PCDHA2: variants seen among roughly 807,000 people sequenced by gnomAD.
The protein encoded by PCDHA2 is protocadherin alpha 2.
Under a neutral mutation model 66.0 loss-of-function variants are expected in PCDHA2, and 58 were observed. The ratio of observed to expected loss-of-function variants is 0.88; its 90% CI spans 0.71 to 1.09. The LOEUF (loss-of-function observed/expected upper bound fraction) is 1.09. Among genes scored for constraint, PCDHA2 ranks in the 50% least tolerant of loss-of-function variants. The pLI is 0.00. For missense variants in PCDHA2, 1,267 were observed against 1,242.3 expected (o/e 1.02, Z -0.30); for synonymous variants, 634 against 554.0 (o/e 1.14, Z -2.03).
intron 1 of PCDHA2, chr5:140,882,584 C>T (rs1554174685): frequency 1.9e-6 from 3 of 1,614,120 alleles, no homozygotes; most frequent in Admixed American, 1.7e-5. Flanking sequence ...CAGCATCCAC[C>T]TGGAGGTGAT....
chr5:140,838,509 T>C (rs1297577022), intron 1 of PCDHA2, among the ~76,000 whole-genome samples: 1 of 151,988 alleles, frequency 6.6e-6, no homozygotes, highest in Non-Finnish European at 1.5e-5. Context: ...TTTTTAAAAG[T>C]ATTTGCATCT....
chr5:140,883,966 G>A, intron 1 of PCDHA2: 1 of 1,613,094 alleles, frequency 6.2e-7, no homozygotes. Flanking sequence ...CGGCGCTGCT[G>A]ACGCCCGGGG....
At chr5:140,821,687 TAA>T in intron 1 of PCDHA2, 1 of 1,378,436 alleles carries the variant, frequency 7.3e-7, no homozygotes, top group Non-Finnish European at 9.9e-7. Flanking sequence ...GGCGATAATA[TAA>T]AAAATATATA....
intron 3 of PCDHA2, among the ~76,000 whole-genome samples, chr5:140,999,427 G>A (rs1405186577): frequency 6.6e-6 from 1 of 152,172 alleles, no homozygotes; most frequent in Non-Finnish European, 1.5e-5. Flanking sequence ...AAGAGGCCAA[G>A]TACCTTGCCT....
chr5:140,999,505 A>C (rs1221080631), intron 3 of PCDHA2, among the ~76,000 whole-genome samples: 3 of 152,134 alleles, frequency 2.0e-5, no homozygotes, highest in African/African-American at 7.2e-5. Flanking sequence ...AAGAACCTAC[A>C]TTTTAAGCAT....
intron 1 of PCDHA2, among the ~76,000 whole-genome samples, chr5:140,899,629 G>T (rs2067446538): frequency 6.6e-6 from 1 of 152,116 alleles, no homozygotes; most frequent in African/African-American, 2.4e-5. Flanking sequence ...AAGGATATTG[G>T]TCTAAAATTC....
chr5:140,801,480 C>T lies in PCDHA2; in HGVS notation c.2388+4128C>T, dbSNP rs1175554033. ...GAATTCTCGGATAGACCGCGAGGAA[C>T]TGTGCGGGCGGAGCGCGGAGTGCAG... On this transcript the variant is annotated intron_variant, in intron 1 of 3. Coordinates refer to ENST00000526136, the MANE Select transcript of PCDHA2 (RefSeq NM_018905.3). 4.3e-6 allele frequency: 7 copies of T among 1,613,984 alleles called. No homozygotes were observed. The African/African-American group carries it at 6.7e-5, about 15-fold the overall frequency.
intron 1 of PCDHA2, among the ~76,000 whole-genome samples, chr5:140,921,194 A>T (rs187774850): frequency 1.3e-5 from 2 of 152,046 alleles, no homozygotes; most frequent in Admixed American, 1.3e-4. Context: ...TTCACAATAG[A>T]TTGACAACGA....
chr5:140,797,542 T>G (rs1435129821), intron 1 of PCDHA2, 190 bp downstream of exon 1: 1 of 753,596 alleles, frequency 1.3e-6, no homozygotes, highest in South Asian at 2.0e-5. Flanking sequence ...TCTACATAAC[T>G]GTTTTCTTAT....
chr5:140,828,909 C>A (rs2150160610), intron 1 of PCDHA2: 4 of 1,614,190 alleles, frequency 2.5e-6, no homozygotes, highest in South Asian at 1.1e-5. Context: ...GATGAAGGAG[C>A]GAATGGGGCA....
At chr5:140,890,634 T>A (rs986470825) in intron 1 of PCDHA2, among the ~76,000 whole-genome samples, 3 of 152,204 alleles carry the variant, frequency 2.0e-5, no homozygotes, top group African/African-American at 7.2e-5. Context: ...TAAGCATGTA[T>A]CCTTGATATA....
chr5:140,965,796 A>AT (rs1377584212), intron 1 of PCDHA2, among the ~76,000 whole-genome samples: 2 of 152,134 alleles, frequency 1.3e-5, no homozygotes, highest in Non-Finnish European at 2.9e-5. Flanking sequence ...CATGGAGACT[A>AT]TTTTTTTAAA....
intron 1 of PCDHA2, chr5:140,805,211 A>G (rs536926941): frequency 7.0e-7 from 1 of 1,421,082 alleles, no homozygotes; most frequent in African/African-American, 1.4e-5. Flanking sequence ...CCAAATAAAC[A>G]TTGTTTTCTA....
At chr5:140,933,212 T>C (rs2088935461) in intron 1 of PCDHA2, among the ~76,000 whole-genome samples, 1 of 151,682 alleles carries the variant, frequency 6.6e-6, no homozygotes, top group African/African-American at 2.4e-5. Context: ...ATTACATGTC[T>C]GTTATATTGC....
At chr5:140,856,403 G>T in intron 1 of PCDHA2, 2 of 1,598,562 alleles carry the variant, frequency 1.3e-6, no homozygotes, top group South Asian at 2.2e-5. Context: ...TTTCCATGTG[G>T]ACGTGGAAGT....
At chr5:140,874,492 C>G (rs1289000541) in intron 1 of PCDHA2, among the ~76,000 whole-genome samples, 2 of 152,196 alleles carry the variant, frequency 1.3e-5, no homozygotes, top group Non-Finnish European at 2.9e-5. Context: ...AGGTTGATAT[C>G]AAGTTCACAT....
In PCDHA2 at chr5:140,829,938, G is replaced by A. The variant is rs2150178242; in HGVS notation, c.2388+32586G>A. Reference sequence around the variant, plus strand: ...TCGTATGAGCTGCAGCCCCCGGCAAGCAGCGCTCGCTTCCCGTTTCGCGTG... The same window carrying A: ...TCGTATGAGCTGCAGCCCCCGGCAAACAGCGCTCGCTTCCCGTTTCGCGTG... On this transcript the variant is annotated intron_variant, in intron 1 of 3. Coordinates refer to ENST00000526136, the MANE Select transcript of PCDHA2 (RefSeq NM_018905.3). 8.1e-6 allele frequency: 13 copies of A among 1,613,874 alleles called. No homozygotes were observed. In the South Asian group the frequency reaches 8.8e-5, roughly 11 times the overall value.
chr5:140,895,257 T>A (rs1180344268), intron 1 of PCDHA2, among the ~76,000 whole-genome samples: 8 of 152,212 alleles, frequency 5.3e-5, no homozygotes, highest in Non-Finnish European at 8.8e-5. Context: ...AGCTTTCTTT[T>A]TTTTCTTACT....
Position 140,802,966 on chromosome 5 carries a change from T to G in PCDHA2, c.2388+5614T>G, listed in dbSNP as rs1554122488. ...CCGCGGTCAGTGGGTGCGGGCCACG[T>G]GGTAGCGAAGGTGCGCGCAGTGGAT... On this transcript the variant is annotated intron_variant, in intron 1 of 3. Transcript: ENST00000526136. 1.9e-6 allele frequency: 3 copies of G among 1,613,950 alleles called. No homozygotes were observed. In the Admixed American group the frequency reaches 5.0e-5, roughly 27 times the overall value.
Sources: gnomAD v4.1 joint callset for allele counts (sites outside exome capture counted in the v4.1 genomes callset) on GRCh38, gnomAD v4.1.1 for gene constraint, MANE v1.5 for transcripts, NCBI Gene and HGNC (gene_info 2026-07-23, HGNC 2026-07-21) for gene names.